The following FAM171A1 variants were observed in gnomAD, a reference collection of about 807,000 sequenced individuals.
FAM171A1 encodes family with sequence similarity 171 member A1, also known as protein FAM171A1.
In FAM171A1, 23 loss-of-function variants were observed where a neutral mutation model predicts 74.9. The ratio of observed to expected loss-of-function variants is 0.31; its 90% CI spans 0.22 to 0.44. The LOEUF (loss-of-function observed/expected upper bound fraction) is 0.44. Among genes scored for constraint, FAM171A1 ranks in the 20% least tolerant of loss-of-function variants. The pLI is 1.00. For missense variants in FAM171A1, 1,162 were observed against 1,159.2 expected, an observed-to-expected ratio of 1.00 and a Z score of -0.03; for synonymous variants, 527 against 505.7, an observed-to-expected ratio of 1.04 and a Z score of -0.57.
intron 1 of FAM171A1, among the ~76,000 whole-genome samples, chr10:15,336,223 T>C (rs1835697581): frequency 6.6e-6 from 1 of 152,138 alleles, no homozygotes; most frequent in African/African-American, 2.4e-5. Context: ...AAAGCCACCA[T>C]CTGTATGGCA....
intron 3 of FAM171A1, among the ~76,000 whole-genome samples, chr10:15,256,397 G>A (rs1043672780): frequency 6.6e-6 from 1 of 152,118 alleles, no homozygotes; most frequent in African/African-American, 2.4e-5. Flanking sequence ...TAACTGGCAG[G>A]GAGTCACAAT....
chr10:15,303,716 C>T (rs1310971991), intron 1 of FAM171A1, among the ~76,000 whole-genome samples: 1 of 152,180 alleles, frequency 6.6e-6, no homozygotes, highest in South Asian at 2.1e-4. Context: ...ATTGGTGTTC[C>T]TAAATGTCAC....
At chr10:15,342,664 G>A (rs995681680) in intron 1 of FAM171A1, among the ~76,000 whole-genome samples, 3 of 152,122 alleles carry the variant, frequency 2.0e-5, no homozygotes, top group African/African-American at 7.2e-5. Flanking sequence ...AATTTCACAT[G>A]CATCATTTTC....
chr10:15,279,812 G>C (rs1834944188), intron 2 of FAM171A1, among the ~76,000 whole-genome samples: 1 of 152,136 alleles, frequency 6.6e-6, no homozygotes, highest in Non-Finnish European at 1.5e-5. Context: ...CAGCTACTCG[G>C]GAGGCTGAGG....
chr10:15,244,884 C>T (rs760257347), intron 5 of FAM171A1, among the ~76,000 whole-genome samples: 20 of 152,066 alleles, frequency 1.3e-4, no homozygotes, highest in East Asian at 3.9e-4. Context: ...TGGAAAGGAT[C>T]GGCTGTGCTC....
At chr10:15,325,162 T>G (rs1191808590) in intron 1 of FAM171A1, among the ~76,000 whole-genome samples, 1 of 152,202 alleles carries the variant, frequency 6.6e-6, no homozygotes, top group Non-Finnish European at 1.5e-5. Context: ...CTCTACAATT[T>G]CCAGCTGTTC....
In FAM171A1 at chr10:15,300,607, C is replaced by T. The variant is rs550327993; in HGVS notation, c.98-16502G>A. The stretch of plus-strand genomic sequence containing the variant: ...CAGTTAAGAACCCCCTCCCACCCCC[C>T]AAAAAAAATAAACAAAAAAAAAACT... On this transcript the variant is annotated intron_variant, in intron 1 of 7. Coordinates refer to ENST00000378116, the MANE Select transcript of FAM171A1 (RefSeq NM_001010924.2). Among the ~76,000 whole-genome samples the T allele has an allele frequency of 1.9e-3, 248 of 128,966 alleles. 4 individuals carry two copies. Among genetic ancestry groups the T allele is most frequent in the Admixed American group, 0.014 (177 of 12,768 alleles). 84.6% of individuals were successfully genotyped at this position (128,966 alleles called of 152,430 possible).
intron 1 of FAM171A1, among the ~76,000 whole-genome samples, chr10:15,354,588 G>A (rs747670145): frequency 1.3e-4 from 20 of 152,154 alleles, no homozygotes; most frequent in Non-Finnish European, 2.9e-4. Flanking sequence ...AGCCAGGCCC[G>A]GGGAAGCACC....
chr10:15,358,305 T>A (rs562969393), intron 1 of FAM171A1, among the ~76,000 whole-genome samples: 2 of 152,276 alleles, frequency 1.3e-5, no homozygotes, highest in African/African-American at 4.8e-5. Context: ...AAGAAAAATA[T>A]TAAACTTTTA....
intron 1 of FAM171A1, among the ~76,000 whole-genome samples, chr10:15,322,643 G>A (rs1199516297): frequency 1.3e-5 from 2 of 152,180 alleles, no homozygotes; most frequent in South Asian, 2.1e-4. Context: ...AAGGAAGACA[G>A]GGTTCTTCCA....
intron 1 of FAM171A1, among the ~76,000 whole-genome samples, chr10:15,341,864 G>C (rs2131870622): frequency 6.6e-6 from 1 of 152,314 alleles, no homozygotes; most frequent in South Asian, 2.1e-4. Flanking sequence ...ATGTTCATTT[G>C]CTCATGAAGG....
At chr10:15,305,682 A>AAAAAAAAAAAAAAAT (rs1835285344) in intron 1 of FAM171A1, among the ~76,000 whole-genome samples, 1 of 150,532 alleles carries the variant, frequency 6.6e-6, no homozygotes, top group Non-Finnish European at 1.5e-5. Context: ...AAAAAAAAAA[A>AAAAAAAAAAAAAAAT]AAAAAAGATC....
intron 1 of FAM171A1, among the ~76,000 whole-genome samples, chr10:15,330,713 C>CTTTT (rs898772126): frequency 0.014 from 1,051 of 76,796 alleles, no homozygotes; most frequent in Non-Finnish European, 0.017. Flanking sequence ...TCTTCTTCTT[C>CTTTT]TTTTTTTTTT....
chr10:15,358,014 C>T (rs761890027), intron 1 of FAM171A1, among the ~76,000 whole-genome samples: 4 of 152,184 alleles, frequency 2.6e-5, no homozygotes, highest in Admixed American at 2.6e-4. Context: ...CTTGCTCTGT[C>T]ACCCAGGCTG....
At chr10:15,218,181 A>C (rs1482875567) in intron 6 of FAM171A1, among the ~76,000 whole-genome samples, 8 of 150,340 alleles carry the variant, frequency 5.3e-5, no homozygotes, top group African/African-American at 1.7e-4. Context: ...CCAGGTTCGG[A>C]TAATTCTCCT....
In FAM171A1 at chr10:15,284,085, T is replaced by C. The variant is rs199738089; in HGVS notation, c.118A>G (p.Ile40Val). The C allele has an allele frequency of 2.6e-5, 42 of 1,613,728 alleles. No homozygotes were observed. In the East Asian group the frequency reaches 8.7e-4, roughly 33 times the overall value. Residue 40 changes from isoleucine to valine, a missense_variant, in exon 2 of 8, where the codon ATC becomes GTC. Transcript: ENST00000378116. ...GGCTGGTGGGTGCTGGCGTCGCTGA[T>C]GTGCACCTTTAACGTCACCTCTGGA... ...GAQEVTLKVH[I>V]SDASTHQPVA... is the part of the protein sequence containing the mutation.
At chr10:15,350,077 G>GT (rs915865857) in intron 1 of FAM171A1, among the ~76,000 whole-genome samples, 2 of 152,058 alleles carry the variant, frequency 1.3e-5, no homozygotes, top group African/African-American at 2.4e-5. Context: ...CAGAATTAGA[G>GT]TAACACCCCT....
intron 3 of FAM171A1, among the ~76,000 whole-genome samples, chr10:15,262,994 G>A (rs1488191836): frequency 1.3e-5 from 2 of 152,182 alleles, no homozygotes; most frequent in Non-Finnish European, 2.9e-5. Flanking sequence ...ATGCAGGTGG[G>A]GCGAGGGGCA....
chr10:15,298,028 G>A (rs1480230316), intron 1 of FAM171A1, among the ~76,000 whole-genome samples: 1 of 152,038 alleles, frequency 6.6e-6, no homozygotes, highest in Non-Finnish European at 1.5e-5. Flanking sequence ...CAAAATTAAT[G>A]TTCACAAGCA....
Sources: gnomAD v4.1 joint callset for allele counts (sites outside exome capture counted in the v4.1 genomes callset) on GRCh38, gnomAD v4.1.1 for gene constraint, MANE v1.5 for transcripts, NCBI Gene and HGNC (gene_info 2026-07-23, HGNC 2026-07-21) for gene names.